The following MGAT5 variants were observed in gnomAD, a reference collection of about 807,000 sequenced individuals.
MGAT5 encodes alpha-1,6-mannosylglycoprotein 6-beta-N-acetylglucosaminyltransferase A.
In MGAT5, 30 loss-of-function variants were observed where a neutral mutation model predicts 94.3. The ratio of observed to expected loss-of-function variants is 0.32; its 90% CI spans 0.24 to 0.43. The LOEUF (loss-of-function observed/expected upper bound fraction) is 0.43, where lower values mean the gene tolerates loss of function less well. MGAT5 is among the 20% of genes least tolerant of loss of function. The probability of loss-of-function intolerance (pLI) is 1.00; values close to 1 mark genes in which losing one functional copy is unlikely to be tolerated. For missense variants in MGAT5, 691 were observed against 905.5 expected (o/e 0.76, Z 3.04); for synonymous variants, 310 against 322.9 (o/e 0.96, Z 0.43).
intron 1 of MGAT5, among the ~76,000 whole-genome samples, chr2:134,134,908 C>T (rs937951415): frequency 1.2e-4 from 19 of 152,162 alleles, no homozygotes; most frequent in African/African-American, 4.1e-4. Flanking sequence ...AAGTAAACAT[C>T]GACGTTTCCA....
At chr2:134,434,112 C>G (rs1349921312) in intron 14 of MGAT5, among the ~76,000 whole-genome samples, 1 of 152,216 alleles carries the variant, frequency 6.6e-6, no homozygotes, top group Non-Finnish European at 1.5e-5. Flanking sequence ...TGACCCTTTC[C>G]CTGGCCCAGC....
chr2:134,230,439 T>G (rs1681302769), intron 1 of MGAT5, among the ~76,000 whole-genome samples: 1 of 152,210 alleles, frequency 6.6e-6, no homozygotes, highest in African/African-American at 2.4e-5. Flanking sequence ...TAAGTTCTAG[T>G]GTTTCATACC....
chr2:134,175,249 C>G (rs1292168157), intron 1 of MGAT5, among the ~76,000 whole-genome samples: 1 of 152,256 alleles, frequency 6.6e-6, no homozygotes, highest in Non-Finnish European at 1.5e-5. Flanking sequence ...AATATCCACA[C>G]AAGTACAGAG....
At chr2:134,414,367 A>G (rs1356235348) in intron 12 of MGAT5, among the ~76,000 whole-genome samples, 2 of 152,200 alleles carry the variant, frequency 1.3e-5, no homozygotes, top group East Asian at 1.9e-4. Context: ...GTTTAAAAAG[A>G]TGCTGCCCAG....
chr2:134,189,602 G>GTTTTTTTTTTTTTTTTTGT (rs1689244217), intron 1 of MGAT5, among the ~76,000 whole-genome samples: 1 of 84,672 alleles, frequency 1.2e-5, no homozygotes, highest in African/African-American at 4.8e-5. Flanking sequence ...GTTTTTTTTT[G>GTTTTTTTTTTTTTTTTTGT]TTTTTTTTTT....
intron 1 of MGAT5, among the ~76,000 whole-genome samples, chr2:134,260,702 C>CTTGTCT (rs1553433085): frequency 7.9e-6 from 1 of 127,070 alleles, no homozygotes; most frequent in African/African-American, 2.9e-5. Context: ...TTTTCTTTTT[C>CTTGTCT]TTTTTTTTTT....
intron 1 of MGAT5, among the ~76,000 whole-genome samples, chr2:134,179,374 G>A (rs552760657): frequency 6.6e-6 from 1 of 152,294 alleles, no homozygotes; most frequent in South Asian, 2.1e-4. Context: ...TAAAGAATCA[G>A]TAACATAAGG....
At chr2:134,193,653 C>T (rs1334538274) in intron 1 of MGAT5, among the ~76,000 whole-genome samples, 2 of 150,922 alleles carry the variant, frequency 1.3e-5, no homozygotes, top group East Asian at 3.9e-4. Context: ...GCAATCTCCC[C>T]TCTCTTACAT....
intron 2 of MGAT5, among the ~76,000 whole-genome samples, chr2:134,296,439 G>A (rs989237929): frequency 6.6e-6 from 1 of 152,080 alleles, no homozygotes. Flanking sequence ...TTTATTGATG[G>A]AAGGTTAAAT....
intron 4 of MGAT5, among the ~76,000 whole-genome samples, chr2:134,329,813 G>A (rs1324329717): frequency 6.6e-6 from 1 of 152,082 alleles, no homozygotes; most frequent in Non-Finnish European, 1.5e-5. Flanking sequence ...TTCAGATAAG[G>A]AGTCGGACCA....
chr2:134,298,767 T>G lies in MGAT5; in HGVS notation c.407-18762T>G, dbSNP rs149954165. 3.3e-5 allele frequency among the ~76,000 whole-genome samples: 5 copies of G among 152,228 alleles called. No individual in the cohort carries two copies. In the East Asian group the frequency reaches 9.7e-4, roughly 29 times the overall value. On this transcript the variant is annotated intron_variant, in intron 2 of 15. Coordinates refer to ENST00000281923, the MANE Select transcript of MGAT5 (RefSeq NM_002410.5). ...AGGATAGGAATTGGAGAAGAGGTAG[T>G]TCATAATGGTGATGGTTGAGTGTGT...
At chr2:134,246,447 G>C (rs982445630) in intron 1 of MGAT5, among the ~76,000 whole-genome samples, 7 of 152,176 alleles carry the variant, frequency 4.6e-5, no homozygotes, top group African/African-American at 1.7e-4. Flanking sequence ...AAGCTGCTTT[G>C]CCTGTCCCTT....
intron 10 of MGAT5, among the ~76,000 whole-genome samples, chr2:134,371,103 C>T (rs1006640610): frequency 1.3e-4 from 20 of 152,286 alleles, no homozygotes; most frequent in African/African-American, 4.6e-4. Flanking sequence ...CATTTCAACC[C>T]AGAGACACTG....
chr2:134,352,404 G>GGCATGTC (rs1679442280), intron 9 of MGAT5, among the ~76,000 whole-genome samples: 1 of 152,084 alleles, frequency 6.6e-6, no homozygotes, highest in African/African-American at 2.4e-5. Flanking sequence ...TTCTAGGAGG[G>GGCATGTC]GCATGTCTAG....
At chr2:134,306,402 A>G (rs1319450974) in intron 2 of MGAT5, among the ~76,000 whole-genome samples, 1 of 152,186 alleles carries the variant, frequency 6.6e-6, no homozygotes, top group Non-Finnish European at 1.5e-5. Context: ...TATTCATTGA[A>G]AAAGATCTAA....
intron 1 of MGAT5, among the ~76,000 whole-genome samples, chr2:134,181,248 G>A (rs545013294): frequency 7.2e-5 from 11 of 152,250 alleles, no homozygotes; most frequent in East Asian, 5.8e-4. Context: ...CAGGGATGCT[G>A]CTAAACATCC....
intron 10 of MGAT5, among the ~76,000 whole-genome samples, chr2:134,395,921 G>A (rs993507898): frequency 6.6e-6 from 1 of 152,212 alleles, no homozygotes; most frequent in Non-Finnish European, 1.5e-5. Flanking sequence ...ATTTATACCA[G>A]ATGAGCTCAA....
At chr2:134,218,797 G>A (rs1197187684) in intron 1 of MGAT5, among the ~76,000 whole-genome samples, 1 of 152,182 alleles carries the variant, frequency 6.6e-6, no homozygotes, top group Non-Finnish European at 1.5e-5. Context: ...AGGGGAATGG[G>A]ATACAGGGAG....
At chr2:134,375,707 A>C (rs1262664577) in intron 10 of MGAT5, among the ~76,000 whole-genome samples, 1 of 152,214 alleles carries the variant, frequency 6.6e-6, no homozygotes, top group Non-Finnish European at 1.5e-5. Context: ...GAAGTTAAAA[A>C]TTGGGTGGTA....
Sources: allele counts gnomAD v4.1 joint callset (sites outside exome capture counted in the v4.1 genomes callset), GRCh38; gene constraint gnomAD v4.1.1; transcripts MANE v1.5; gene names NCBI Gene and HGNC (gene_info 2026-07-23, HGNC 2026-07-21).